The following QSER1 variants were observed in gnomAD, a reference collection of about 807,000 sequenced individuals.
QSER1 encodes glutamine and serine-rich protein 1.
In QSER1, 49 loss-of-function variants were observed where a neutral mutation model predicts 158.5. The ratio of observed to expected loss-of-function variants is 0.31; its 90% CI spans 0.25 to 0.39. The LOEUF (loss-of-function observed/expected upper bound fraction) is 0.39, where lower values mean the gene tolerates loss of function less well. Ranked by LOEUF, QSER1 falls within the 10% of genes least tolerant of loss-of-function variation. The probability of loss-of-function intolerance (pLI) is 1.00; values close to 1 mark genes in which losing one functional copy is unlikely to be tolerated. For synonymous variants in QSER1, 650 were observed against 715.5 expected, an observed-to-expected ratio of 0.91 and a Z score of 1.46; for missense variants, 1,754 against 2,010.3, an observed-to-expected ratio of 0.87 and a Z score of 2.44.
intron 10 of QSER1, among the ~76,000 whole-genome samples, chr11:32,972,067 A>T (rs895470774): frequency 7.9e-5 from 12 of 151,748 alleles, no homozygotes; most frequent in African/African-American, 2.7e-4. Flanking sequence ...CATCTCAAAA[A>T]AAAAAAAAAA....
rs1337823266 is a variant in QSER1 at position 32,980,158 on chromosome 11, C to T, written c.*3684C>T. 2 of 152,574 alleles carry T rather than the reference C, an allele frequency of 1.3e-5. No homozygotes were observed. The highest frequency in any genetic ancestry group is 2.1e-4 in the South Asian group (1 of 4,828). 9.5% of individuals were successfully genotyped at this position (152,574 alleles called of 1,614,324 possible). A position where few individuals can be genotyped will look rare whatever the true frequency, so the allele number is the denominator to read the frequency against. On this transcript the variant is annotated 3_prime_UTR_variant, in exon 13 of 13. Transcript: ENST00000650167. ...AAAGAAACCTGCATTTGTAGTCCAG[C>T]GTTTTCATTTGGTCCATAACACAAT...
intron 4 of QSER1, among the ~76,000 whole-genome samples, chr11:32,938,269 A>T (rs775597745): frequency 2.0e-5 from 3 of 152,168 alleles, no homozygotes; most frequent in Admixed American, 1.3e-4. Context: ...GCACAACCTG[A>T]GTCATTAATT....
Position 32,969,100 on chromosome 11 carries a change from G to T in QSER1, c.5162G>T (p.Arg1721Leu), listed in dbSNP as rs770104143. ...ATAGATGGCATGCTAAATGATAACCGAAAGAGACTTCTTTTGAATCTTCAT... is the reference window on the plus strand; with the variant it reads ...ATAGATGGCATGCTAAATGATAACCTAAAGAGACTTCTTTTGAATCTTCAT... ...KKIDGMLNDN[R>L]KRLLLNLHLD... is the part of the protein sequence containing the mutation. Residue 1721 changes from arginine to leucine, a missense_variant, in exon 10 of 13, where the codon CGA becomes CTA. Physicochemically the swap from Arg to Leu is moderately radical, Grantham distance 102. Transcript: ENST00000650167. 6.3e-7 allele frequency: 1 copy of T among 1,597,158 alleles called. No individual in the cohort carries two copies. Among genetic ancestry groups the T allele is most frequent in the African/African-American group, 1.4e-5 (1 of 74,046 alleles).
At chr11:32,914,715 A>T (rs925242590) in intron 1 of QSER1, among the ~76,000 whole-genome samples, 1 of 152,248 alleles carries the variant, frequency 6.6e-6, no homozygotes, top group African/African-American at 2.4e-5. Context: ...ATAAGAGCAT[A>T]TATTTAAAAG....
In QSER1 at chr11:32,980,001, G is replaced by A. The variant is rs576719733; in HGVS notation, c.*3527G>A. 111 of 152,508 alleles carry A rather than the reference G, an allele frequency of 7.3e-4. 1 individual carries two copies. Among genetic ancestry groups the A allele is most frequent in the Non-Finnish European group, 1.2e-3 (84 of 68,028 alleles). 9.4% of individuals were successfully genotyped at this position (152,508 alleles called of 1,614,324 possible). A position where few individuals can be genotyped will look rare whatever the true frequency, so the allele number is the denominator to read the frequency against. On this transcript the variant is annotated 3_prime_UTR_variant, in exon 13 of 13. Coordinates refer to ENST00000650167, the MANE Select transcript of QSER1 (RefSeq NM_001076786.3). Reference sequence around the variant, plus strand: ...TGTCAGTCGCATTTGACGCATAACTGCACAAATGAACAGTGTATACTCTTG... The same window carrying A: ...TGTCAGTCGCATTTGACGCATAACTACACAAATGAACAGTGTATACTCTTG...
At chr11:32,931,284 A>G (rs1185768636) in intron 3 of QSER1, among the ~76,000 whole-genome samples, 3 of 152,190 alleles carry the variant, frequency 2.0e-5, no homozygotes, top group Non-Finnish European at 4.4e-5. Flanking sequence ...TTTTTACTCT[A>G]TGAAAACTAG....
intron 1 of QSER1, among the ~76,000 whole-genome samples, chr11:32,905,107 G>A (rs976222267): frequency 5.9e-5 from 9 of 152,168 alleles, no homozygotes; most frequent in Non-Finnish European, 1.3e-4. Context: ...GATCCTGACC[G>A]TGTAGCTTGT....
At chr11:32,955,207 G>A in intron 5 of QSER1, 89 bp from the exon 6 acceptor site, 1 of 687,724 alleles carries the variant, frequency 1.5e-6, no homozygotes, top group South Asian at 1.8e-5. Flanking sequence ...AGCTAGGGTA[G>A]GCCTTTCAGA....
intron 4 of QSER1, among the ~76,000 whole-genome samples, chr11:32,948,454 T>C (rs1174318619): frequency 2.0e-5 from 3 of 152,274 alleles, no homozygotes; most frequent in South Asian, 4.1e-4. Flanking sequence ...AGTGAGAGCC[T>C]ATCTCTACAA....
rs1219795397 is a variant in QSER1, at chr11:32,943,052, A to G, written c.4177+7617A>G. On this transcript the variant is annotated intron_variant, in intron 4 of 12. Transcript: ENST00000650167. ...CTCTGTTTGTCTGTTGTTGGTGTAT[A>G]GGAATGCTTGTGATTTTTGCACATT... 1.3e-5 allele frequency among the ~76,000 whole-genome samples: 2 copies of G among 151,148 alleles called. 1 individual carries two copies. Among genetic ancestry groups the G allele is most frequent in the Non-Finnish European group, 3.0e-5 (2 of 67,332 alleles).
chr11:32,954,108 A>C lies in QSER1; in HGVS notation c.4429A>C (p.Ser1477Arg), dbSNP rs780362750. 2 of 1,614,020 alleles carry C rather than the reference A, an allele frequency of 1.2e-6. No individual in the cohort carries two copies. The highest frequency in any genetic ancestry group is 2.7e-5 in the African/African-American group (2 of 74,940). The change falls in exon 5 of 13, where the codon AGC (serine) becomes CGC (arginine). Residue 1477 changes from serine to arginine, a missense_variant. Coordinates refer to ENST00000650167, the MANE Select transcript of QSER1 (RefSeq NM_001076786.3). ...TTTTACAGATGAGGAGGACACAGAAAGCGGAGGAGAAGGCCAATACAGAGA... is the reference window on the plus strand; with the variant it reads ...TTTTACAGATGAGGAGGACACAGAACGCGGAGGAGAAGGCCAATACAGAGA... ...EGFTDEEDTE[S>R]GGEGQYRERD... is the part of the protein sequence containing the mutation.
At chr11:32,970,003 G>T (rs1196552607) in intron 10 of QSER1, among the ~76,000 whole-genome samples, 2 of 152,054 alleles carry the variant, frequency 1.3e-5, no homozygotes, top group African/African-American at 4.8e-5. Context: ...TATTTCAGTT[G>T]GAGAAAAGGC....
At chr11:32,964,765 CACACACACACACACACAT>C (rs1564946554) in intron 8 of QSER1, among the ~76,000 whole-genome samples, 2 of 138,942 alleles carry the variant, frequency 1.4e-5, no homozygotes, top group African/African-American at 2.7e-5. Context: ...CACACACACA[CACACACACACACACACAT>C]ACACACACAT....
chr11:32,940,495 T>C (rs1852213592), intron 4 of QSER1, among the ~76,000 whole-genome samples: 1 of 152,208 alleles, frequency 6.6e-6, no homozygotes, highest in South Asian at 2.1e-4. Context: ...ACTTTTGTAT[T>C]CAGGATTATG....
chr11:32,910,574 C>A (rs1851753632), intron 1 of QSER1, among the ~76,000 whole-genome samples: 1 of 152,156 alleles, frequency 6.6e-6, no homozygotes, highest in Non-Finnish European at 1.5e-5. Flanking sequence ...ATTGTGTATG[C>A]CTTTCACTCC....
At chr11:32,917,841 A>AC (rs1346795043) in intron 1 of QSER1, among the ~76,000 whole-genome samples, 6 of 151,038 alleles carry the variant, frequency 4.0e-5, no homozygotes, top group Non-Finnish European at 7.4e-5. Context: ...AAAAAAAAAA[A>AC]AAACCAGCAT....
chr11:32,913,654 C>G (rs970308271), intron 1 of QSER1, among the ~76,000 whole-genome samples: 3 of 152,194 alleles, frequency 2.0e-5, no homozygotes, highest in Non-Finnish European at 4.4e-5. Flanking sequence ...CCTTTAGGTG[C>G]AACAATAGTA....
chr11:32,945,819 C>T (rs1471609663), intron 4 of QSER1, among the ~76,000 whole-genome samples: 13 of 152,062 alleles, frequency 8.5e-5, no homozygotes, highest in Non-Finnish European at 1.8e-4. Context: ...CTGGATAATA[C>T]CCTGCAGAGT....
intron 10 of QSER1, among the ~76,000 whole-genome samples, chr11:32,972,819 C>T (rs184045150): frequency 1.3e-4 from 20 of 152,284 alleles, no homozygotes; most frequent in Admixed American, 5.9e-4. Context: ...GTTTTAGGAT[C>T]TTATCTTACA....
Sources: allele counts gnomAD v4.1 joint callset (sites outside exome capture counted in the v4.1 genomes callset), GRCh38; gene constraint gnomAD v4.1.1; transcripts MANE v1.5; gene names NCBI Gene and HGNC (gene_info 2026-07-23, HGNC 2026-07-21).